Variants in DMD observed in about 807,000 individuals in gnomAD.
The protein encoded by DMD is mutant dystrophin.
DMD carries 63 observed loss-of-function variants against 330.1 expected under a neutral mutation model. The ratio of observed to expected loss-of-function variants is 0.19; its 90% CI spans 0.16 to 0.24. The LOEUF (loss-of-function observed/expected upper bound fraction) is 0.24, where lower values mean the gene tolerates loss of function less well. DMD is among the 10% of genes least tolerant of loss of function. The pLI, the probability that DMD is intolerant of heterozygous loss-of-function variation, is 1.00. For synonymous variants in DMD, 1,223 were observed against 959.8 expected (o/e 1.27, Z -5.07); for missense variants, 3,344 against 2,684.1 (o/e 1.25, Z -5.43).
At chrX:31,933,418 A>G (rs759152375) in intron 45 of DMD, among the ~76,000 whole-genome samples, 13 of 112,709 alleles carry the variant, frequency 1.2e-4, no homozygotes, top group African/African-American at 4.2e-4. Flanking sequence ...GAAAATGCAT[A>G]TAACTCTATG....
rs932985217 is a variant in DMD, at chrX:31,694,858, T to C, written c.7661-15272A>G. Among the ~76,000 whole-genome samples the C allele has an allele frequency of 1.1e-3, 124 of 108,502 alleles. 2 individuals are homozygous for C. Among genetic ancestry groups the C allele is most frequent in the Non-Finnish European group, 2.7e-4 (14 of 52,068 alleles). The allele number at this position is 108,502 out of a possible 115,157, so 94.2% of individuals were successfully genotyped here. A position where few individuals can be genotyped will look rare whatever the true frequency, so the allele number is the denominator to read the frequency against. ...AGTAACGGCCTCCATAAAGACAGTA[T>C]GAATGTTTCTCAAAATAATAAAAAG... On this transcript the variant is annotated intron_variant, in intron 52 of 78. Transcript: ENST00000357033.
chrX:32,672,114 T>G (rs1171783793), intron 9 of DMD, among the ~76,000 whole-genome samples: 1 of 111,643 alleles, frequency 9.0e-6, no homozygotes, highest in Non-Finnish European at 1.9e-5. Flanking sequence ...TAACAGGTAC[T>G]CAATAAACTT....
chrX:33,227,730 G>A (rs1313066022), intron 1 of DMD, among the ~76,000 whole-genome samples: 1 of 110,437 alleles, frequency 9.1e-6, no homozygotes, highest in Non-Finnish European at 1.9e-5. Flanking sequence ...GAGAGAGAGA[G>A]AGAGAGTCTT....
At chrX:32,646,641 G>A (rs1414886733) in intron 9 of DMD, among the ~76,000 whole-genome samples, 1 of 111,292 alleles carries the variant, frequency 9.0e-6, no homozygotes, top group African/African-American at 3.3e-5. Flanking sequence ...GTCCTTCTCA[G>A]TTCTGGGAAT....
chrX:32,927,461 T>A (rs539277306), intron 2 of DMD, among the ~76,000 whole-genome samples: 1 of 105,018 alleles, frequency 9.5e-6, no homozygotes, highest in South Asian at 4.4e-4. Flanking sequence ...CTCCGCCTTT[T>A]AGTGGAGATG....
At chrX:31,477,036 A>G (rs59882236) in intron 59 of DMD, among the ~76,000 whole-genome samples, 9,274 of 111,683 alleles carry the variant, frequency 0.083, 324 homozygotes, top group East Asian at 0.19. Flanking sequence ...AAGAGGGGAC[A>G]GAAGTAGGGA....
chrX:31,889,326 G>A (rs1259346556), intron 47 of DMD, among the ~76,000 whole-genome samples: 2 of 110,920 alleles, frequency 1.8e-5, no homozygotes, highest in Admixed American at 9.6e-5. Flanking sequence ...AATAATATAC[G>A]TGAGTACATG....
intron 44 of DMD, among the ~76,000 whole-genome samples, chrX:32,173,703 A>T (rs770449320): frequency 8.9e-6 from 1 of 112,030 alleles, no homozygotes; most frequent in Admixed American, 9.5e-5. Context: ...AAGACTAATC[A>T]ATTAAAATAT....
intron 1 of DMD, among the ~76,000 whole-genome samples, chrX:33,209,567 C>T (rs1042336752): frequency 2.7e-5 from 3 of 111,509 alleles, no homozygotes; most frequent in Admixed American, 9.6e-5. Context: ...TATCAAACTA[C>T]GGCAAATTTA....
chrX:31,991,211 T>G (rs1211382009), intron 44 of DMD, among the ~76,000 whole-genome samples: 2 of 111,425 alleles, frequency 1.8e-5, no homozygotes, highest in African/African-American at 6.5e-5. Flanking sequence ...GGGGATCTAC[T>G]ACAGGTTTTA....
intron 9 of DMD, among the ~76,000 whole-genome samples, chrX:32,688,641 G>T (rs552193024): frequency 9.0e-6 from 1 of 111,376 alleles, no homozygotes; most frequent in Admixed American, 9.6e-5. Context: ...AAAGTTGAAA[G>T]TATCTTTATT....
intron 1 of DMD, among the ~76,000 whole-genome samples, chrX:33,047,594 C>A (rs752591211): frequency 1.8e-5 from 2 of 111,781 alleles, no homozygotes; most frequent in East Asian, 2.8e-4. Flanking sequence ...AGATCTTTAT[C>A]TTTTAAAAAA....
At chrX:32,758,042 C>G (rs771120174) in intron 7 of DMD, among the ~76,000 whole-genome samples, 7 of 111,896 alleles carry the variant, frequency 6.3e-5, no homozygotes, top group Non-Finnish European at 1.3e-4. Context: ...ATGTCCCAGG[C>G]AAGGTTGAGG....
Position 32,496,678 on chromosome X carries a change from G to T in DMD, c.2380+5077C>A, listed in dbSNP as rs138422289. On this transcript the variant is annotated intron_variant, in intron 19 of 78. Transcript: ENST00000357033. ...CACACACGCACATGTCTGCGCATGCGAGTTCACCCGTGCATGCACGCCGTG... is the reference window on the plus strand; with the variant it reads ...CACACACGCACATGTCTGCGCATGCTAGTTCACCCGTGCATGCACGCCGTG... 2.3e-3 allele frequency among the ~76,000 whole-genome samples: 255 copies of T among 112,726 alleles called. 4 individuals are homozygous for T. Among genetic ancestry groups the T allele is most frequent in the African/African-American group, 7.6e-3 (236 of 31,132 alleles).
intron 7 of DMD, among the ~76,000 whole-genome samples, chrX:32,717,982 G>C (rs2065903570): frequency 9.0e-6 from 1 of 111,701 alleles, no homozygotes; most frequent in African/African-American, 3.3e-5. Context: ...TTGTATCTTG[G>C]AAGTAACTCA....
intron 59 of DMD, among the ~76,000 whole-genome samples, chrX:31,447,863 C>T (rs1424610562): frequency 1.9e-5 from 2 of 107,935 alleles, no homozygotes; most frequent in African/African-American, 6.8e-5. Context: ...AAAAATTATT[C>T]GGGCGTGGTG....
intron 22 of DMD, among the ~76,000 whole-genome samples, chrX:32,469,860 CTCAA>C (rs2040435790): frequency 2.7e-5 from 3 of 111,127 alleles, no homozygotes; most frequent in African/African-American, 9.8e-5. Context: ...CCATCCATCC[CTCAA>C]TCAATCAATA....
At chrX:32,027,148 A>ACACACACACGCACGTG (rs1010791621) in intron 44 of DMD, among the ~76,000 whole-genome samples, 4 of 82,364 alleles carry the variant, frequency 4.9e-5, no homozygotes, top group Middle Eastern at 6.2e-3. Context: ...ATTATGACAC[A>ACACACACACGCACGTG]CACACACACG....
In DMD at chrX:32,251,874, C is replaced by T. The variant is rs916837606; in HGVS notation, c.6291-34811G>A. 4.5e-5 allele frequency among the ~76,000 whole-genome samples: 5 copies of T among 110,644 alleles called. No homozygotes were observed. In the Admixed American group the frequency reaches 4.8e-4, roughly 11 times the overall value. Reference sequence around the variant, plus strand: ...CAAATGCCTGTAGTAGTCCCAGCTACCCAGGAAGCTGAGGTAGGAGGGTGA... The same window carrying T: ...CAAATGCCTGTAGTAGTCCCAGCTATCCAGGAAGCTGAGGTAGGAGGGTGA... On this transcript the variant is annotated intron_variant, in intron 43 of 78. Coordinates refer to ENST00000357033, the MANE Select transcript of DMD (RefSeq NM_004006.3).
Sources: allele counts gnomAD v4.1 joint callset (sites outside exome capture counted in the v4.1 genomes callset), GRCh38; gene constraint gnomAD v4.1.1; transcripts MANE v1.5; gene names NCBI Gene and HGNC (gene_info 2026-07-23, HGNC 2026-07-21).